The following CALCRL variants were observed in gnomAD, a reference collection of about 807,000 sequenced individuals.
CALCRL encodes the protein calcitonin receptor like receptor.
In CALCRL, 27 loss-of-function variants were observed where a neutral mutation model predicts 60.4. The ratio of observed to expected loss-of-function variants is 0.45; its 90% confidence interval spans 0.33 to 0.62. The LOEUF is 0.62. Ranked by LOEUF, CALCRL falls within the 20% of genes least tolerant of loss-of-function variation. The probability of loss-of-function intolerance (pLI) is 0.03; values close to 1 mark genes in which losing one functional copy is unlikely to be tolerated. For missense variants in CALCRL, 424 were observed against 540.7 expected (o/e 0.78, Z 2.14); for synonymous variants, 190 against 182.6 (o/e 1.04, Z -0.33).
In CALCRL at chr2:187,345,392, C is replaced by T. The variant is rs756020343; in HGVS notation, c.*792G>A. On this transcript the variant is annotated 3_prime_UTR_variant, in exon 15 of 15. Transcript: ENST00000392370. Reference sequence around the variant, plus strand: ...GAAGGGACAAAATTTATATTTACAGCTAGGAATTCCCTCCCACTGTTTGGT... The same window carrying T: ...GAAGGGACAAAATTTATATTTACAGTTAGGAATTCCCTCCCACTGTTTGGT... 3.3e-5 allele frequency: 5 copies of T among 152,118 alleles called. No homozygotes were observed. Among genetic ancestry groups the T allele is most frequent in the Non-Finnish European group, 5.9e-5 (4 of 67,818 alleles). The allele number at this position is 152,118 out of a possible 1,614,324, so 9.4% of individuals were successfully genotyped here. A position where few individuals can be genotyped will look rare whatever the true frequency, so the allele number is the denominator to read the frequency against.
intron 1 of CALCRL, among the ~76,000 whole-genome samples, chr2:187,447,370 G>A (rs1479833540): frequency 6.6e-6 from 1 of 151,350 alleles, no homozygotes; most frequent in African/African-American, 2.4e-5. Flanking sequence ...CTAAACTCTA[G>A]GTTTTTTTTT....
intron 1 of CALCRL, among the ~76,000 whole-genome samples, chr2:187,392,181 TC>T (rs760561421): frequency 6.6e-6 from 1 of 152,132 alleles, no homozygotes; most frequent in Non-Finnish European, 1.5e-5. Context: ...TTTCATTGAG[TC>T]ACCTAGCCCT....
intron 5 of CALCRL, 119 bp from the exon 6 acceptor site, chr2:187,380,906 A>G (rs1687959120): frequency 3.6e-6 from 2 of 556,708 alleles, no homozygotes; most frequent in Non-Finnish European, 6.2e-6. Flanking sequence ...AAATGCAGAC[A>G]TTATATGAAA....
At chr2:187,437,470 G>A (rs1690695726) in intron 1 of CALCRL, among the ~76,000 whole-genome samples, 1 of 151,972 alleles carries the variant, frequency 6.6e-6, no homozygotes, top group Non-Finnish European at 1.5e-5. Context: ...TTTATCTTAA[G>A]TGCCTTTTAC....
At chr2:187,406,364 T>C (rs976036591) in intron 1 of CALCRL, among the ~76,000 whole-genome samples, 4 of 151,998 alleles carry the variant, frequency 2.6e-5, no homozygotes, top group African/African-American at 9.7e-5. Flanking sequence ...CTTGAAAAAA[T>C]GGAAGTAAAT....
Position 187,359,140 on chromosome 2 carries a change from CATA to C in CALCRL, c.843-14_843-12del. ...GAACTGATCCAGCAACTAGAGAAAA[CATA>C]ATAACATTATGTTGAAAATTTTTAT... On this transcript the variant is annotated splice_polypyrimidine_tract_variant and intron_variant, in intron 11 of 14. Coordinates refer to ENST00000392370, the MANE Select transcript of CALCRL (RefSeq NM_005795.6). 2 of 1,610,358 alleles carry C rather than the reference CATA, an allele frequency of 1.2e-6. No individual in the cohort carries two copies.
At chr2:187,417,697 G>A (rs749550484) in intron 1 of CALCRL, among the ~76,000 whole-genome samples, 1 of 151,920 alleles carries the variant, frequency 6.6e-6, no homozygotes, top group Non-Finnish European at 1.5e-5. Flanking sequence ...ATTTAAATAG[G>A]CCATGGGAGT....
chr2:187,391,114 T>TG (rs1338700808), intron 1 of CALCRL, among the ~76,000 whole-genome samples: 6 of 152,172 alleles, frequency 3.9e-5, no homozygotes, highest in Non-Finnish European at 4.4e-5. Context: ...ACTCTCATAC[T>TG]GGGAGATGAA....
At chr2:187,361,832 G>A (rs746455192) in intron 9 of CALCRL, among the ~76,000 whole-genome samples, 3 of 151,628 alleles carry the variant, frequency 2.0e-5, no homozygotes, top group Non-Finnish European at 3.0e-5. Flanking sequence ...CATTATATAC[G>A]ATGCCTCCTA....
rs1686510515 is a variant in CALCRL, at chr2:187,351,113, G to T, written c.1170+807C>A. ...ATCTTGGCTAACACGGTGAAACCCC[G>T]TCTCTACTAAAAATACAAAAAATTA... On this transcript the variant is annotated intron_variant, in intron 14 of 14. Coordinates refer to ENST00000392370, the MANE Select transcript of CALCRL (RefSeq NM_005795.6). Among the ~76,000 whole-genome samples the T allele has an allele frequency of 1.9e-4, 2 of 10,778 alleles. 1 individual carries two copies. The highest frequency in any genetic ancestry group is 1.3e-3 in the Admixed American group (2 of 1,522). 7.1% of individuals were successfully genotyped at this position (10,778 alleles called of 152,430 possible).
chr2:187,346,504 T>TA (rs1176840934), intron 14 of CALCRL, 105 bp from the exon 15 acceptor site: 4 of 718,778 alleles, frequency 5.6e-6, no homozygotes, highest in Admixed American at 3.1e-5. Flanking sequence ...AGAGCTTTTT[T>TA]AAAAAAAGTT....
chr2:187,346,174 C>T lies in CALCRL; in HGVS notation c.*10G>A, dbSNP rs770364445. On this transcript the variant is annotated 3_prime_UTR_variant, in exon 15 of 15. Coordinates refer to ENST00000392370, the MANE Select transcript of CALCRL (RefSeq NM_005795.6). The stretch of plus-strand genomic sequence containing the variant: ...AAGCACAAAACAGTGAGACAACCAT[C>T]CTTCTATTTTCAATTATATAAATTT... 1 of 1,530,304 alleles carries T rather than the reference C, an allele frequency of 6.5e-7. No individual in the cohort carries two copies. 94.8% of individuals were successfully genotyped at this position (1,530,304 alleles called of 1,614,324 possible). A position where few individuals can be genotyped will look rare whatever the true frequency, so the allele number is the denominator to read the frequency against.
At chr2:187,370,464 G>A (rs1235897938) in intron 8 of CALCRL, among the ~76,000 whole-genome samples, 1 of 151,978 alleles carries the variant, frequency 6.6e-6, no homozygotes, top group Non-Finnish European at 1.5e-5. Flanking sequence ...GAAAACTTAG[G>A]TATGCTTAAA....
At chr2:187,393,209 C>G (rs929691441) in intron 1 of CALCRL, among the ~76,000 whole-genome samples, 1 of 151,886 alleles carries the variant, frequency 6.6e-6, no homozygotes, top group African/African-American at 2.4e-5. Flanking sequence ...ATGGCCAGGC[C>G]CCACAAAGGA....
chr2:187,414,323 T>C (rs1191895866), intron 1 of CALCRL, among the ~76,000 whole-genome samples: 1 of 152,052 alleles, frequency 6.6e-6, no homozygotes, highest in African/African-American at 2.4e-5. Flanking sequence ...TCTAAGAAAG[T>C]TTCTGAATTT....
rs1402207198 is a variant in CALCRL, at chr2:187,359,098, A to C, written c.874T>G (p.Tyr292Asp). The change falls in exon 12 of 15, where the codon TAC (tyrosine) becomes GAC (aspartate). Residue 292 changes from tyrosine (Y) to aspartate (D), a missense_variant. Tyr to Asp is a radical substitution (Grantham distance 160, BLOSUM62 -3). Coordinates refer to ENST00000392370, the MANE Select transcript of CALCRL (RefSeq NM_005795.6). ...GCACAAATTGGGCCATGGATAATGT[A>C]GAGGAGATGGGTATCAGAACTGATC... ...CWISSDTHLLYIIHGPICAAL... is the reference protein window; with the variant it reads ...CWISSDTHLLDIIHGPICAAL... 2 of 1,613,360 alleles carry C rather than the reference A, an allele frequency of 1.2e-6. No homozygotes were observed. The highest frequency in any genetic ancestry group is 2.2e-5 in the South Asian group (2 of 91,064).
chr2:187,361,241 T>C (rs1462717339), intron 9 of CALCRL, among the ~76,000 whole-genome samples: 1 of 151,992 alleles, frequency 6.6e-6, no homozygotes, highest in Non-Finnish European at 1.5e-5. Flanking sequence ...AATACATCCA[T>C]AGGTTATCCT....
intron 1 of CALCRL, among the ~76,000 whole-genome samples, chr2:187,409,475 C>T (rs1158631766): frequency 6.6e-6 from 1 of 152,178 alleles, no homozygotes; most frequent in East Asian, 1.9e-4. Context: ...CCATTGAAGA[C>T]AGCAACTGTC....
rs1686165808 is a variant in CALCRL at position 187,343,524 on chromosome 2, T to C, written c.*2660A>G. The C allele has an allele frequency of 6.6e-6, 1 of 151,988 alleles. No individual in the cohort carries two copies. Among genetic ancestry groups the C allele is most frequent in the African/African-American group, 2.4e-5 (1 of 41,416 alleles). The allele number at this position is 151,988 out of a possible 1,614,324, so 9.4% of individuals were successfully genotyped here. Reference sequence around the variant, plus strand: ...CAGCCACCACTAATTCTATATACATTGGATTACATTTAAACAAACACTGCA... The same window carrying C: ...CAGCCACCACTAATTCTATATACATCGGATTACATTTAAACAAACACTGCA... On this transcript the variant is annotated 3_prime_UTR_variant, in exon 15 of 15. Coordinates refer to ENST00000392370, the MANE Select transcript of CALCRL (RefSeq NM_005795.6).
Sources: gnomAD v4.1 joint callset for allele counts (sites outside exome capture counted in the v4.1 genomes callset) on GRCh38, gnomAD v4.1.1 for gene constraint, MANE v1.5 for transcripts, NCBI Gene and HGNC (gene_info 2026-07-23, HGNC 2026-07-21) for gene names.